The following GPC5 variants were observed in gnomAD, a reference collection of about 807,000 sequenced individuals.
The protein encoded by GPC5 is glypican 5.
GPC5 carries 47 observed loss-of-function variants against 53.9 expected under a neutral mutation model. The observed-to-expected ratio is 0.87, with a 90% confidence interval of 0.69 to 1.11. The LOEUF (loss-of-function observed/expected upper bound fraction) is 1.11. Among genes scored for constraint, GPC5 ranks in the 50% most tolerant of loss-of-function variants. The pLI is 0.00. For missense variants in GPC5, 748 were observed against 713.1 expected (o/e 1.05, Z -0.56); for synonymous variants, 286 against 263.3 (o/e 1.09, Z -0.84).
At chr13:91,944,380 G>T (rs975237860) in intron 6 of GPC5, among the ~76,000 whole-genome samples, 7 of 152,248 alleles carry the variant, frequency 4.6e-5, no homozygotes, top group African/African-American at 1.4e-4. Context: ...ACAGGCGTGA[G>T]CCACCGCGCC....
intron 7 of GPC5, among the ~76,000 whole-genome samples, chr13:92,591,236 G>A (rs562178788): frequency 3.3e-5 from 5 of 152,122 alleles, no homozygotes; most frequent in South Asian, 4.2e-4. Flanking sequence ...TCAAAGATTC[G>A]TTTCCCCTCC....
chr13:91,671,436 A>G (rs574906950), intron 2 of GPC5, among the ~76,000 whole-genome samples: 18 of 152,126 alleles, frequency 1.2e-4, no homozygotes, highest in African/African-American at 4.3e-4. Context: ...GTATCCTGAG[A>G]CTTTGCTGAA....
chr13:92,154,815 C>A (rs2041932069), intron 7 of GPC5, among the ~76,000 whole-genome samples: 1 of 152,194 alleles, frequency 6.6e-6, no homozygotes, highest in African/African-American at 2.4e-5. Flanking sequence ...TGACTGCAAT[C>A]TGAGCACTAA....
intron 1 of GPC5, among the ~76,000 whole-genome samples, chr13:91,440,755 C>T (rs757096916): frequency 8.5e-5 from 13 of 152,234 alleles, no homozygotes; most frequent in South Asian, 2.1e-4. Context: ...GTAATTTAAC[C>T]GGTTTGGACT....
At chr13:92,447,154 C>T (rs1039846168) in intron 7 of GPC5, 2 of 151,954 alleles carry the variant, frequency 1.3e-5, no homozygotes, top group African/African-American at 4.8e-5. Context: ...CCCATTTGTC[C>T]ACTTTTGCTT....
At chr13:91,673,520 C>T (rs1421840912) in intron 2 of GPC5, among the ~76,000 whole-genome samples, 1 of 152,026 alleles carries the variant, frequency 6.6e-6, no homozygotes, top group Admixed American at 6.6e-5. Context: ...AACAAGAGCT[C>T]GCCCATCCTT....
chr13:92,085,528 TTTCACAGACC>T (rs1311821567), intron 6 of GPC5, among the ~76,000 whole-genome samples: 1 of 152,184 alleles, frequency 6.6e-6, no homozygotes. Context: ...AGACAATTTT[TTTCACAGACC>T]TGGTGGTGGT....
intron 7 of GPC5, among the ~76,000 whole-genome samples, chr13:92,808,300 G>GCA (rs755366106): frequency 6.6e-5 from 10 of 151,954 alleles, no homozygotes; most frequent in Admixed American, 2.6e-4. Flanking sequence ...GTATGCGTAT[G>GCA]CACACACACA....
At chr13:92,451,738 A>G (rs1878068227) in intron 7 of GPC5, among the ~76,000 whole-genome samples, 1 of 152,140 alleles carries the variant, frequency 6.6e-6, no homozygotes, top group Admixed American at 6.5e-5. Flanking sequence ...GTTTTCACCT[A>G]TTTTATATTT....
At chr13:91,567,341 G>A (rs1388266437) in intron 2 of GPC5, among the ~76,000 whole-genome samples, 1 of 152,110 alleles carries the variant, frequency 6.6e-6, no homozygotes, top group Non-Finnish European at 1.5e-5. Flanking sequence ...CTTTTGTTTA[G>A]ATGTTCTCTA....
At chr13:92,827,601 C>T (rs1877896749) in intron 7 of GPC5, among the ~76,000 whole-genome samples, 1 of 152,104 alleles carries the variant, frequency 6.6e-6, no homozygotes, top group Admixed American at 6.6e-5. Context: ...ATCCTGGGAC[C>T]AGGCTGCTTT....
At chr13:91,879,095 G>T (rs1341812288) in intron 5 of GPC5, among the ~76,000 whole-genome samples, 2 of 150,824 alleles carry the variant, frequency 1.3e-5, no homozygotes, top group African/African-American at 2.4e-5. Context: ...ATTAGTTTTT[G>T]AAAAAAAACT....
chr13:92,439,009 G>A (rs77130677), intron 7 of GPC5, among the ~76,000 whole-genome samples: 2 of 152,128 alleles, frequency 1.3e-5, no homozygotes, highest in Non-Finnish European at 2.9e-5. Context: ...CTGGAGCTCA[G>A]ATAAAAGACC....
intron 7 of GPC5, among the ~76,000 whole-genome samples, chr13:92,176,373 T>C (rs1402875580): frequency 2.0e-5 from 3 of 152,162 alleles, no homozygotes; most frequent in Non-Finnish European, 4.4e-5. Context: ...CTCCAGGCAC[T>C]GAGACTGGGA....
rs546248895 is a variant in GPC5, at chr13:92,328,698, G to T, written c.1561+183709G>T. ...TCGCATCACTCCATGTTCATGGAAA[G>T]AAAAACGTTAATCAAAAAGGCTTGT... On this transcript the variant is annotated intron_variant, in intron 7 of 7. Transcript: ENST00000377067. Among the ~76,000 whole-genome samples, 5 of 152,244 alleles carry T rather than the reference G, an allele frequency of 3.3e-5. No homozygotes were observed. In the South Asian group the frequency reaches 1.0e-3, roughly 32 times the overall value.
chr13:91,987,214 G>A (rs2040416262), intron 6 of GPC5, among the ~76,000 whole-genome samples: 3 of 152,208 alleles, frequency 2.0e-5, no homozygotes, highest in Non-Finnish European at 4.4e-5. Flanking sequence ...AAGCCTGCAA[G>A]TGTGATGGTT....
intron 7 of GPC5, among the ~76,000 whole-genome samples, chr13:92,232,513 A>T (rs1033081034): frequency 6.6e-6 from 1 of 152,232 alleles, no homozygotes; most frequent in Non-Finnish European, 1.5e-5. Flanking sequence ...CTGGCAGATC[A>T]TCTGTTACCA....
chr13:91,448,976 C>A, intron 2 of GPC5, 54 bp downstream of exon 2: 1 of 1,556,418 alleles, frequency 6.4e-7, no homozygotes, highest in Non-Finnish European at 8.7e-7. Context: ...TGTAATTTGC[C>A]TAAGATAGTT....
chr13:91,557,738 C>T (rs16946176), intron 2 of GPC5, among the ~76,000 whole-genome samples: 2,596 of 152,246 alleles, frequency 0.017, 72 homozygotes, highest in African/African-American at 0.059. Flanking sequence ...GGTTATTAGT[C>T]GTCAGCCCAG....
Sources: gnomAD v4.1 joint callset for allele counts (sites outside exome capture counted in the v4.1 genomes callset) on GRCh38, gnomAD v4.1.1 for gene constraint, MANE v1.5 for transcripts, NCBI Gene and HGNC (gene_info 2026-07-23, HGNC 2026-07-21) for gene names.